Variants in EYA1 observed in about 807,000 individuals in gnomAD.
EYA1 encodes EYA transcriptional coactivator and phosphatase 1, also known as protein phosphatase EYA1.
In EYA1, 16 loss-of-function variants were observed where a neutral mutation model predicts 82.0. The ratio of observed to expected loss-of-function variants is 0.20; its 90% CI spans 0.13 to 0.30. The LOEUF (loss-of-function observed/expected upper bound fraction) is 0.30, where lower values mean the gene tolerates loss of function less well. Among genes scored for constraint, EYA1 ranks in the 10% least tolerant of loss-of-function variants. The pLI is 1.00. For synonymous variants in EYA1, 261 were observed against 264.4 expected, an observed-to-expected ratio of 0.99 and a Z score of 0.12; for missense variants, 633 against 730.7, an observed-to-expected ratio of 0.87 and a Z score of 1.54.
chr8:71,492,912 T>G (rs187402876), intron 2 of EYA1, among the ~76,000 whole-genome samples: 1 of 152,182 alleles, frequency 6.6e-6, no homozygotes, highest in Non-Finnish European at 1.5e-5. Flanking sequence ...TCTCCCTCCT[T>G]CCACATTCCA....
intron 2 of EYA1, among the ~76,000 whole-genome samples, chr8:71,370,422 G>A (rs928491253): frequency 6.7e-6 from 1 of 149,128 alleles, no homozygotes; most frequent in African/African-American, 2.5e-5. Flanking sequence ...AGTAAACAAG[G>A]CAGACAGAAT....
intron 7 of EYA1, among the ~76,000 whole-genome samples, chr8:71,313,337 T>A (rs1277676630): frequency 6.6e-6 from 1 of 152,182 alleles, no homozygotes; most frequent in Non-Finnish European, 1.5e-5. Flanking sequence ...CTTTCATGTC[T>A]AAAATATATT....
chr8:71,483,159 G>A (rs1167839553), intron 2 of EYA1, among the ~76,000 whole-genome samples: 1 of 152,088 alleles, frequency 6.6e-6, no homozygotes, highest in Non-Finnish European at 1.5e-5. Context: ...AATTTATTTT[G>A]CTCCTTGCTG....
intron 2 of EYA1, among the ~76,000 whole-genome samples, chr8:71,484,421 C>A (rs997177053): frequency 5.9e-5 from 9 of 152,134 alleles, no homozygotes; most frequent in African/African-American, 2.2e-4. Flanking sequence ...CTCTTGTAAC[C>A]CACCTCAAAG....
chr8:71,389,151 C>G (rs1280432806), intron 2 of EYA1, among the ~76,000 whole-genome samples: 2 of 151,942 alleles, frequency 1.3e-5, no homozygotes, highest in Admixed American at 6.6e-5. Flanking sequence ...AACCCCCAAA[C>G]TCACTATTTT....
chr8:71,327,549 C>G (rs1823298718), intron 4 of EYA1, among the ~76,000 whole-genome samples: 1 of 152,094 alleles, frequency 6.6e-6, no homozygotes, highest in Non-Finnish European at 1.5e-5. Flanking sequence ...GTAAATGGGC[C>G]TCACTTTACG....
intron 3 of EYA1, among the ~76,000 whole-genome samples, chr8:71,352,302 A>G (rs1826385983): frequency 6.6e-6 from 1 of 152,212 alleles, no homozygotes; most frequent in Non-Finnish European, 1.5e-5. Flanking sequence ...TATGAGACAT[A>G]TAAGTAGCAT....
chr8:71,217,588 C>CGTGT (rs372443634), intron 12 of EYA1, among the ~76,000 whole-genome samples: 86 of 150,912 alleles, frequency 5.7e-4, no homozygotes, highest in Middle Eastern at 3.4e-3. Flanking sequence ...TCTCTGTGTA[C>CGTGT]GTGTGTGTGT....
chr8:71,353,993 A>G (rs1266275794), intron 3 of EYA1, among the ~76,000 whole-genome samples: 2 of 152,184 alleles, frequency 1.3e-5, no homozygotes, highest in Admixed American at 6.5e-5. Context: ...TATGTAACAT[A>G]TCTTTCCATA....
chr8:71,422,914 C>A lies in EYA1; in HGVS notation c.34-66403G>T, dbSNP rs1356246499. On this transcript the variant is annotated intron_variant, in intron 2 of 18. Transcript: ENST00000643681. ...AGATTTGGGTGAGGACACAGCCAAA[C>A]CATATCACCTGCCTTTATTAGGAAC... 2.6e-5 allele frequency among the ~76,000 whole-genome samples: 4 copies of A among 152,080 alleles called. No homozygotes were observed. The East Asian group carries it at 5.8e-4, about 22-fold the overall frequency.
At chr8:71,448,604 A>G (rs1219667510) in intron 2 of EYA1, among the ~76,000 whole-genome samples, 1 of 152,226 alleles carries the variant, frequency 6.6e-6, no homozygotes, top group East Asian at 1.9e-4. Context: ...TGGCATCTAG[A>G]ACAGTGAATG....
intron 2 of EYA1, among the ~76,000 whole-genome samples, chr8:71,386,063 C>T (rs1038026006): frequency 6.6e-6 from 1 of 152,154 alleles, no homozygotes; most frequent in African/African-American, 2.4e-5. Flanking sequence ...GTATTACTTT[C>T]ACGCCACTTA....
rs369494008 is a variant in EYA1, at chr8:71,216,667, T to C, written c.1360+25A>G. The C allele has an allele frequency of 5.6e-6, 9 of 1,612,410 alleles. No homozygotes were observed. The African/African-American group carries it at 1.2e-4, about 22-fold the overall frequency. On this transcript the variant is annotated intron_variant, in intron 14 of 17. Coordinates refer to ENST00000340726, the MANE Select transcript of EYA1 (RefSeq NM_000503.6). ...TTGTATCTGGACTGTCTTAACTTGCTGAGGTACTGGTGGTAATCACTTGCC... is the reference window on the plus strand; with the variant it reads ...TTGTATCTGGACTGTCTTAACTTGCCGAGGTACTGGTGGTAATCACTTGCC...
In EYA1 at chr8:71,400,519, C is replaced by T. The variant is rs558415632; in HGVS notation, c.34-44008G>A. ...TTCTCAAAAGCAAACATTTATGCAG[C>T]CAACAGACATGAAAAAAGCACAACA... On this transcript the variant is annotated intron_variant, in intron 2 of 18. Transcript: ENST00000643681. Among the ~76,000 whole-genome samples the T allele has an allele frequency of 4.5e-4, 66 of 147,202 alleles. 1 individual carries two copies. The South Asian group carries it at 0.013, about 30-fold the overall frequency.
chr8:71,510,267 G>A (rs1179135013), intron 2 of EYA1, among the ~76,000 whole-genome samples: 4 of 152,112 alleles, frequency 2.6e-5, no homozygotes, highest in African/African-American at 9.7e-5. Flanking sequence ...CACCACGATT[G>A]AAAACACAGC....
intron 11 of EYA1, among the ~76,000 whole-genome samples, chr8:71,269,412 T>TA (rs1256335886): frequency 6.6e-6 from 1 of 152,172 alleles, no homozygotes; most frequent in Non-Finnish European, 1.5e-5. Context: ...ACAGGAAAAG[T>TA]AAAAGAGAAC....
At chr8:71,263,081 G>GT (rs986950919) in intron 11 of EYA1, among the ~76,000 whole-genome samples, 1 of 152,192 alleles carries the variant, frequency 6.6e-6, no homozygotes, top group Non-Finnish European at 1.5e-5. Flanking sequence ...TGTGCTTTGG[G>GT]TTTCATTCGT....
intron 1 of EYA1, among the ~76,000 whole-genome samples, chr8:71,541,907 T>C (rs1322589525): frequency 6.6e-6 from 1 of 152,186 alleles, no homozygotes; most frequent in East Asian, 1.9e-4. Flanking sequence ...GCCTACTAAG[T>C]CTACAGGATC....
chr8:71,413,714 T>C (rs1372196248), intron 2 of EYA1, among the ~76,000 whole-genome samples: 1 of 152,250 alleles, frequency 6.6e-6, no homozygotes, highest in East Asian at 1.9e-4. Context: ...TGTTTCGTTT[T>C]GCTTTGTTTT....
Sources: allele counts gnomAD v4.1 joint callset (sites outside exome capture counted in the v4.1 genomes callset), GRCh38; gene constraint gnomAD v4.1.1; transcripts MANE v1.5; gene names NCBI Gene and HGNC (gene_info 2026-07-23, HGNC 2026-07-21).